The following TTC23L variants were observed in gnomAD, a reference collection of about 807,000 sequenced individuals.
TTC23L encodes the protein tetratricopeptide repeat protein 23-like.
TTC23L carries 42 observed loss-of-function variants against 48.1 expected under a neutral mutation model. That is an observed-to-expected ratio of 0.87 (90% confidence interval 0.68 to 1.13). TTC23L has a LOEUF of 1.13. Ranked by LOEUF, TTC23L falls within the 50% of genes most tolerant of loss-of-function variation. The probability of loss-of-function intolerance (pLI) is 0.00; values close to 1 mark genes in which losing one functional copy is unlikely to be tolerated. For missense variants in TTC23L, 391 were observed against 421.0 expected (o/e 0.93, Z 0.62); for synonymous variants, 159 against 157.2 (o/e 1.01, Z -0.09).
intron 7 of TTC23L, 168 bp from the exon 8 acceptor site, chr5:34,868,737 C>G: frequency 1.6e-6 from 1 of 607,108 alleles, no homozygotes; most frequent in Non-Finnish European, 3.0e-6. Context: ...CTTCCCAAAC[C>G]CTAATCAGTG....
chr5:34,910,961 G>C, the TTC23L span, among the ~76,000 whole-genome samples: 1 of 152,180 alleles, frequency 6.6e-6, no homozygotes, highest in Non-Finnish European at 1.5e-5. Context: ...CCCTTGGGAA[G>C]CCAGCCTTGA....
chr5:34,887,282 G>A (rs1163037267), intron 9 of TTC23L, among the ~76,000 whole-genome samples: 2 of 152,146 alleles, frequency 1.3e-5, no homozygotes, highest in Non-Finnish European at 2.9e-5. Context: ...GCATGAACAC[G>A]CGGATGACAT....
chr5:34,915,972 A>C, the TTC23L span: 1 of 1,443,812 alleles, frequency 6.9e-7, no homozygotes, highest in Non-Finnish European at 9.1e-7. Context: ...TTACTTGACT[A>C]CAGCCTTGCT....
In TTC23L at chr5:34,863,370, GGGT is replaced by G. The variant is rs149955344; in HGVS notation, c.536+336_536+338del. Among the ~76,000 whole-genome samples, 3 of 151,930 alleles carry G rather than the reference GGGT, an allele frequency of 2.0e-5. No homozygotes were observed. Among genetic ancestry groups the G allele is most frequent in the African/African-American group, 7.3e-5 (3 of 41,322 alleles). On this transcript the variant is annotated intron_variant, in intron 5 of 10. Coordinates refer to ENST00000505624, the Ensembl canonical transcript of TTC23L. This position sits in a 1 kb window ranked among gnomAD's most constrained non-coding sequence, Gnocchi z 4.1. ...AAATCAGTGTTAGCAATGAGGATGA[GGGT>G]GGTGGTGGTGGTGGTGGTGTAGTGA...
intron 6 of TTC23L, 64 bp downstream of exon 6, chr5:34,864,626 G>A (rs1580449924): frequency 6.7e-7 from 1 of 1,497,404 alleles, no homozygotes; most frequent in Non-Finnish European, 8.9e-7. Context: ...CATGATATAA[G>A]GGAGAAAAAT....
chr5:34,919,375 T>G, the TTC23L span, among the ~76,000 whole-genome samples: 1 of 151,894 alleles, frequency 6.6e-6, no homozygotes, highest in African/African-American at 2.4e-5. Context: ...TTGGGGTTTT[T>G]TTGTTTTTTG....
chr5:34,909,889 AT>A, the TTC23L span, among the ~76,000 whole-genome samples: 1 of 152,266 alleles, frequency 6.6e-6, no homozygotes, highest in South Asian at 2.1e-4. Flanking sequence ...TTGCTGCAGG[AT>A]TAGCACGTTG....
chr5:34,912,693 T>A, the TTC23L span, among the ~76,000 whole-genome samples: 6 of 152,106 alleles, frequency 3.9e-5, no homozygotes, highest in Non-Finnish European at 1.5e-5. Flanking sequence ...TAAAAAAATA[T>A]ATATTTTAAA....
chr5:34,855,852 A>C (rs988146458), intron 4 of TTC23L, among the ~76,000 whole-genome samples: 9 of 152,238 alleles, frequency 5.9e-5, no homozygotes, highest in African/African-American at 2.2e-4. Context: ...CAAAGGGTAC[A>C]CAAGAATGAA....
the TTC23L span, chr5:34,906,875 A>G: frequency 6.6e-6 from 1 of 152,078 alleles, no homozygotes; most frequent in South Asian, 2.1e-4. Context: ...GACTGATTAG[A>G]TATTTTCCCA....
the TTC23L span, chr5:34,915,665 G>A: frequency 1.4e-5 from 21 of 1,481,298 alleles, no homozygotes; most frequent in Non-Finnish European, 1.9e-5. Flanking sequence ...TAGAGCCGCC[G>A]AACCATAGAG....
At chr5:34,865,355 A>G (rs1013359811) in intron 6 of TTC23L, among the ~76,000 whole-genome samples, 2 of 152,206 alleles carry the variant, frequency 1.3e-5, no homozygotes, top group Admixed American at 6.5e-5. Flanking sequence ...CCATGAATCT[A>G]GAAGTCAGAT....
At chr5:34,913,125 T>G in the TTC23L span, among the ~76,000 whole-genome samples, 153 of 152,332 alleles carry the variant, frequency 1.0e-3, no homozygotes, top group African/African-American at 3.6e-3. Flanking sequence ...TGCCACTAAC[T>G]AGCGGAGTAA....
intron 6 of TTC23L, among the ~76,000 whole-genome samples, chr5:34,865,543 G>T (rs1218435201): frequency 1.3e-5 from 2 of 152,104 alleles, no homozygotes; most frequent in Non-Finnish European, 2.9e-5. Flanking sequence ...TGCTCATTTT[G>T]TTCATCCATT....
Position 34,857,215 on chromosome 5 carries a change from T to C in TTC23L, c.380-5683T>C, listed in dbSNP as rs569842877. On this transcript the variant is annotated intron_variant, in intron 4 of 10. Transcript: ENST00000505624. ...GCAGCTGAGAAAGGGCAGTCGGAGATCACCATGGTAGTTTGGTAACTAGTG... is the reference window on the plus strand; with the variant it reads ...GCAGCTGAGAAAGGGCAGTCGGAGACCACCATGGTAGTTTGGTAACTAGTG... Among the ~76,000 whole-genome samples the C allele has an allele frequency of 3.3e-5, 5 of 152,106 alleles. No individual in the cohort carries two copies. The South Asian group carries it at 1.0e-3, about 32-fold the overall frequency.
the TTC23L span, chr5:34,907,064 G>C: frequency 1.3e-5 from 2 of 152,114 alleles, no homozygotes; most frequent in Non-Finnish European, 2.9e-5. Flanking sequence ...GTTATCAGGT[G>C]CTGACCCTGG....
the TTC23L span, chr5:34,913,476 T>G: frequency 6.4e-7 from 1 of 1,557,262 alleles, no homozygotes; most frequent in East Asian, 2.2e-5. Flanking sequence ...TTACCTGGCA[T>G]AGGACTTGAT....
intron 3 of TTC23L, among the ~76,000 whole-genome samples, chr5:34,849,689 A>G (rs1194211382): frequency 6.6e-6 from 1 of 152,236 alleles, no homozygotes; most frequent in African/African-American, 2.4e-5. Context: ...AAATGTTAAC[A>G]GAGGCAACAA....
the TTC23L span, chr5:34,915,767 G>T: frequency 1.2e-6 from 2 of 1,603,814 alleles, no homozygotes; most frequent in South Asian, 1.1e-5. Flanking sequence ...AAACGGCGTG[G>T]AGGCTTTGCA....
Sources: gnomAD v4.1 joint callset for allele counts (sites outside exome capture counted in the v4.1 genomes callset) on GRCh38, gnomAD v4.1.1 for gene constraint, Gnocchi (gnomAD v3.1) non-coding constraint, MANE v1.5 for transcripts, NCBI Gene and HGNC (gene_info 2026-07-23, HGNC 2026-07-21) for gene names.